SNX29: variants seen among roughly 807,000 people sequenced by gnomAD.
The protein encoded by SNX29 is sorting nexin 29, also known as sorting nexin-29.
SNX29 carries 78 observed loss-of-function variants against 102.1 expected under a neutral mutation model. The ratio of observed to expected loss-of-function variants is 0.76; its 90% confidence interval spans 0.64 to 0.92. The LOEUF (loss-of-function observed/expected upper bound fraction) is 0.92. Ranked by LOEUF, SNX29 falls within the 40% of genes least tolerant of loss-of-function variation. The pLI is 0.00. For synonymous variants in SNX29, 580 were observed against 414.5 expected (o/e 1.40, Z -4.85); for missense variants, 1,280 against 1,061.7 (o/e 1.21, Z -2.86).
chr16:12,028,179 G>A (rs907275311), intron 4 of SNX29, among the ~76,000 whole-genome samples: 3 of 152,126 alleles, frequency 2.0e-5, no homozygotes, highest in Non-Finnish European at 4.4e-5. Flanking sequence ...TGTCAGTGTC[G>A]TTGCTGAGTA....
chr16:12,100,872 G>A (rs573635121), intron 11 of SNX29, among the ~76,000 whole-genome samples: 2 of 152,120 alleles, frequency 1.3e-5, no homozygotes, highest in Non-Finnish European at 2.9e-5. Context: ...GCTGGCAGGT[G>A]GGGGTCACAA....
At chr16:12,069,698 T>C (rs2051200553) in intron 10 of SNX29, among the ~76,000 whole-genome samples, 1 of 152,270 alleles carries the variant, frequency 6.6e-6, no homozygotes, top group South Asian at 2.1e-4. Flanking sequence ...TGTTATTTTC[T>C]TTTTTTCTTT....
At chr16:12,366,694 C>T (rs2082495940) in intron 16 of SNX29, among the ~76,000 whole-genome samples, 1 of 152,182 alleles carries the variant, frequency 6.6e-6, no homozygotes, top group Admixed American at 6.5e-5. Context: ...CATTTTCTCC[C>T]ACTCTCTCCA....
At chr16:12,519,276 C>T (rs923868072) in intron 19 of SNX29, among the ~76,000 whole-genome samples, 2 of 152,038 alleles carry the variant, frequency 1.3e-5, no homozygotes, top group Non-Finnish European at 1.5e-5. Flanking sequence ...GGCACCATGT[C>T]CCCCAAAAGG....
At chr16:12,027,971 G>C (rs2057238964) in intron 4 of SNX29, among the ~76,000 whole-genome samples, 1 of 152,174 alleles carries the variant, frequency 6.6e-6, no homozygotes, top group African/African-American at 2.4e-5. Context: ...CAGTTCGATA[G>C]CCCTGTGAGT....
chr16:12,228,349 A>C (rs1264848469), intron 14 of SNX29, among the ~76,000 whole-genome samples: 1 of 152,206 alleles, frequency 6.6e-6, no homozygotes, highest in Non-Finnish European at 1.5e-5. Context: ...GCACGTTCTC[A>C]GCACAGTGTT....
chr16:12,413,581 C>T (rs760259098), intron 18 of SNX29, among the ~76,000 whole-genome samples: 8 of 46,830 alleles, frequency 1.7e-4, no homozygotes, highest in Non-Finnish European at 5.9e-4. Flanking sequence ...GTGACAGGGC[C>T]CTCGAGACAA....
chr16:12,573,009 A>G lies in SNX29; in HGVS notation c.*4380A>G. On this transcript the variant is annotated 3_prime_UTR_variant, in exon 21 of 21. Coordinates refer to ENST00000566228, the MANE Select transcript of SNX29 (RefSeq NM_032167.5). Reference sequence around the variant, plus strand: ...TAATTCATTAAAGCTACTGTTAAATATTTGCTGTTTTTAGATTGGCGTCCG... The same window carrying G: ...TAATTCATTAAAGCTACTGTTAAATGTTTGCTGTTTTTAGATTGGCGTCCG... 3.2e-6 allele frequency: 1 copy of G among 317,094 alleles called. No individual in the cohort carries two copies. The highest frequency in any genetic ancestry group is 5.1e-6 in the Non-Finnish European group (1 of 195,846). 19.6% of individuals were successfully genotyped at this position (317,094 alleles called of 1,614,324 possible). A position where few individuals can be genotyped will look rare whatever the true frequency, so the allele number is the denominator to read the frequency against.
chr16:12,055,864 A>C (rs115431392), intron 8 of SNX29, among the ~76,000 whole-genome samples: 130 of 152,258 alleles, frequency 8.5e-4, no homozygotes, highest in African/African-American at 3.0e-3. Context: ...TGACACATAC[A>C]ATTAACCCTC....
At chr16:11,992,474 AT>A (rs1471601135) in intron 1 of SNX29, among the ~76,000 whole-genome samples, 5 of 140,950 alleles carry the variant, frequency 3.5e-5, no homozygotes, top group Admixed American at 1.5e-4. Flanking sequence ...GTAGCTCCCC[AT>A]CCCCCTACCA....
At chr16:12,270,209 G>A (rs934426121) in intron 14 of SNX29, among the ~76,000 whole-genome samples, 6 of 152,066 alleles carry the variant, frequency 3.9e-5, no homozygotes, top group African/African-American at 1.4e-4. Context: ...GGAAAGATGC[G>A]ACTTAGAAAA....
chr16:12,297,969 A>C (rs2080037826), intron 15 of SNX29, among the ~76,000 whole-genome samples: 1 of 152,236 alleles, frequency 6.6e-6, no homozygotes, highest in South Asian at 2.1e-4. Context: ...CAAGAGTTCA[A>C]GAACAGCCTG....
At chr16:12,405,635 T>C (rs973159470) in intron 18 of SNX29, among the ~76,000 whole-genome samples, 1 of 152,238 alleles carries the variant, frequency 6.6e-6, no homozygotes, top group Non-Finnish European at 1.5e-5. Context: ...GGAAGCATTT[T>C]AGAAATCCTT....
chr16:12,560,459 T>G (rs116190675), intron 20 of SNX29, among the ~76,000 whole-genome samples: 1,886 of 152,276 alleles, frequency 0.012, 35 homozygotes, highest in African/African-American at 0.042. Flanking sequence ...TCTTTTGGGT[T>G]CTTGCCTGGG....
At chr16:12,136,251 A>G (rs1180312490) in intron 13 of SNX29, among the ~76,000 whole-genome samples, 1 of 151,168 alleles carries the variant, frequency 6.6e-6, no homozygotes, top group Non-Finnish European at 1.5e-5. Flanking sequence ...GGCATGGAAC[A>G]CTCTCCCTCC....
chr16:12,524,303 C>T (rs1024027862), intron 19 of SNX29, among the ~76,000 whole-genome samples: 3 of 151,860 alleles, frequency 2.0e-5, no homozygotes, highest in Non-Finnish European at 2.9e-5. Flanking sequence ...TGATAATTAC[C>T]CGCTGACCTG....
intron 15 of SNX29, among the ~76,000 whole-genome samples, chr16:12,329,191 C>A (rs2081218663): frequency 6.9e-6 from 1 of 144,338 alleles, no homozygotes; most frequent in South Asian, 2.2e-4. Flanking sequence ...GCAGGAGGAT[C>A]TCTTGAGCCC....
intron 14 of SNX29, among the ~76,000 whole-genome samples, chr16:12,235,821 G>C (rs549687987): frequency 6.6e-6 from 1 of 151,910 alleles, no homozygotes; most frequent in Non-Finnish European, 1.5e-5. Context: ...ATGTGTATGT[G>C]TGTGTGTGCT....
chr16:12,018,284 A>T (rs1003905570), intron 3 of SNX29, among the ~76,000 whole-genome samples: 3 of 152,110 alleles, frequency 2.0e-5, no homozygotes, highest in Non-Finnish European at 4.4e-5. Context: ...ATTTTTAAAA[A>T]TGATTTATTT....
Sources: gnomAD v4.1 joint callset for allele counts (sites outside exome capture counted in the v4.1 genomes callset) on GRCh38, gnomAD v4.1.1 for gene constraint, MANE v1.5 for transcripts, NCBI Gene and HGNC (gene_info 2026-07-23, HGNC 2026-07-21) for gene names.